RHOJ: variants seen among roughly 807,000 people sequenced by gnomAD.
RHOJ encodes the protein rho-related GTP-binding protein RhoJ.
In RHOJ, 11 loss-of-function variants were observed where a neutral mutation model predicts 23.4. The ratio of observed to expected loss-of-function variants is 0.47; its 90% confidence interval spans 0.30 to 0.78. The LOEUF (loss-of-function observed/expected upper bound fraction) is 0.78, where lower values mean the gene tolerates loss of function less well. Among genes scored for constraint, RHOJ ranks in the 30% least tolerant of loss-of-function variants. RHOJ has a pLI of 0.08. For synonymous variants in RHOJ, 102 were observed against 102.7 expected, an observed-to-expected ratio of 0.99 and a Z score of 0.04; for missense variants, 254 against 273.4, an observed-to-expected ratio of 0.93 and a Z score of 0.50.
rs531254683 is a variant in RHOJ at position 63,283,103 on chromosome 14, C to T, written c.403-18C>T. The T allele has an allele frequency of 1.3e-5, 20 of 1,587,772 alleles. No individual in the cohort carries two copies. Among genetic ancestry groups the T allele is most frequent in the South Asian group, 7.7e-5 (7 of 90,512 alleles). On this transcript the variant is annotated intron_variant, in intron 3 of 4. Coordinates refer to ENST00000316754, the MANE Select transcript of RHOJ (RefSeq NM_020663.5). ...GCCTGAGAAAACAAATAAGTTTTCA[C>T]GTGTGTTTTCTTGCCAGATTGATCT...
chr14:63,213,669 G>C (rs991770597), intron 1 of RHOJ, among the ~76,000 whole-genome samples: 1 of 152,082 alleles, frequency 6.6e-6, no homozygotes, highest in African/African-American at 2.4e-5. Context: ...AGGATTGCTG[G>C]GTAGAATCCT....
At chr14:63,275,780 C>T (rs987730638) in intron 2 of RHOJ, among the ~76,000 whole-genome samples, 2 of 152,154 alleles carry the variant, frequency 1.3e-5, no homozygotes, top group Non-Finnish European at 2.9e-5. Context: ...CCAACTAAAC[C>T]ACTTATCCAC....
chr14:63,206,398 T>C (rs1384307624), intron 1 of RHOJ, among the ~76,000 whole-genome samples: 1 of 152,178 alleles, frequency 6.6e-6, no homozygotes, highest in African/African-American at 2.4e-5. Flanking sequence ...ACTTTCATCT[T>C]GAGAAAAAAA....
At chr14:63,227,473 T>C (rs1414388726) in intron 1 of RHOJ, among the ~76,000 whole-genome samples, 1 of 152,240 alleles carries the variant, frequency 6.6e-6, no homozygotes, top group Non-Finnish European at 1.5e-5. Context: ...GTAATTTATA[T>C]ATTTAGCACA....
At chr14:63,206,977 A>G (rs959352600) in intron 1 of RHOJ, among the ~76,000 whole-genome samples, 1 of 151,890 alleles carries the variant, frequency 6.6e-6, no homozygotes, top group South Asian at 2.1e-4. Context: ...GAGGATGGAG[A>G]CATGAACCAC....
intron 1 of RHOJ, among the ~76,000 whole-genome samples, chr14:63,242,697 A>G (rs1894904747): frequency 1.3e-5 from 2 of 152,162 alleles, no homozygotes; most frequent in African/African-American, 4.8e-5. Context: ...ATTGACAATC[A>G]CCATAAGTTT....
intron 1 of RHOJ, among the ~76,000 whole-genome samples, chr14:63,255,967 C>T (rs575814542): frequency 6.6e-6 from 1 of 152,256 alleles, no homozygotes; most frequent in South Asian, 2.1e-4. Context: ...CTCCCGGGCT[C>T]AAGCAATACT....
At chr14:63,241,681 G>A (rs537319778) in intron 1 of RHOJ, among the ~76,000 whole-genome samples, 1 of 152,298 alleles carries the variant, frequency 6.6e-6, no homozygotes, top group South Asian at 2.1e-4. Flanking sequence ...TGGCACCAGA[G>A]CCAACTGGGA....
chr14:63,230,379 T>C (rs1175968144), intron 1 of RHOJ, among the ~76,000 whole-genome samples: 1 of 152,168 alleles, frequency 6.6e-6, no homozygotes, highest in Non-Finnish European at 1.5e-5. Flanking sequence ...CCTATAACTA[T>C]GTTTAAGTTC....
intron 1 of RHOJ, among the ~76,000 whole-genome samples, chr14:63,255,161 C>A (rs1224299388): frequency 6.6e-6 from 1 of 152,118 alleles, no homozygotes; most frequent in Non-Finnish European, 1.5e-5. Context: ...CTCAAATCCC[C>A]CCCTGAGGTA....
chr14:63,285,955 C>A (rs1882069478), intron 4 of RHOJ, among the ~76,000 whole-genome samples: 1 of 152,150 alleles, frequency 6.6e-6, no homozygotes, highest in African/African-American at 2.4e-5. Context: ...TCTCTGGGTT[C>A]TCTTTGCCCT....
At chr14:63,243,700 A>C (rs1272082884) in intron 1 of RHOJ, among the ~76,000 whole-genome samples, 1 of 152,178 alleles carries the variant, frequency 6.6e-6, no homozygotes, top group African/African-American at 2.4e-5. Flanking sequence ...ACCATATTTT[A>C]AGTCTAAACG....
intron 1 of RHOJ, among the ~76,000 whole-genome samples, chr14:63,265,336 G>C (rs931358985): frequency 9.9e-5 from 15 of 152,138 alleles, no homozygotes; most frequent in African/African-American, 3.4e-4. Context: ...GGCTGTGGCT[G>C]TGCAGTTTTA....
intron 2 of RHOJ, among the ~76,000 whole-genome samples, chr14:63,269,928 T>C (rs1288440867): frequency 2.0e-5 from 3 of 152,222 alleles, no homozygotes; most frequent in Non-Finnish European, 4.4e-5. Context: ...TCTAATGTTC[T>C]AATCCAGTTC....
intron 1 of RHOJ, among the ~76,000 whole-genome samples, chr14:63,247,303 C>T (rs1894993795): frequency 2.0e-5 from 3 of 152,178 alleles, no homozygotes; most frequent in South Asian, 2.1e-4. Context: ...ACAGCACCTC[C>T]AGTGGTGTTT....
At chr14:63,212,463 C>T (rs1237023954) in intron 1 of RHOJ, among the ~76,000 whole-genome samples, 1 of 152,140 alleles carries the variant, frequency 6.6e-6, no homozygotes, top group Non-Finnish European at 1.5e-5. Flanking sequence ...TGTCAAAGAC[C>T]AGCATCTGTT....
At chr14:63,232,030 A>G (rs1408903252) in intron 1 of RHOJ, among the ~76,000 whole-genome samples, 2 of 152,200 alleles carry the variant, frequency 1.3e-5, no homozygotes, top group African/African-American at 2.4e-5. Flanking sequence ...AGGAGAGCAG[A>G]CAGTCATGAC....
At chr14:63,210,439 C>A (rs1000114346) in intron 1 of RHOJ, among the ~76,000 whole-genome samples, 1 of 152,152 alleles carries the variant, frequency 6.6e-6, no homozygotes, top group African/African-American at 2.4e-5. Flanking sequence ...TTCAGAGTAA[C>A]CCTAAGTTCG....
Position 63,278,973 on chromosome 14 carries a change from G to A in RHOJ, c.238-1998G>A, listed in dbSNP as rs1203959961. Among the ~76,000 whole-genome samples, 6 of 152,192 alleles carry A rather than the reference G, an allele frequency of 3.9e-5. No individual in the cohort carries two copies. In the East Asian group the frequency reaches 1.2e-3, roughly 29 times the overall value. On this transcript the variant is annotated intron_variant, in intron 2 of 4. Transcript: ENST00000316754. ...TGCACTCCAGCCTGGGCAATAGATT[G>A]AGACTCCATCTCAAATAATAAAATA...
Sources: allele counts gnomAD v4.1 joint callset (sites outside exome capture counted in the v4.1 genomes callset), GRCh38; gene constraint gnomAD v4.1.1; transcripts MANE v1.5; gene names NCBI Gene and HGNC (gene_info 2026-07-23, HGNC 2026-07-21).